Variants in PRDM16 observed in about 807,000 individuals in gnomAD.
The protein encoded by PRDM16 is histone-lysine N-methyltransferase PRDM16.
In PRDM16, 23 loss-of-function variants were observed where a neutral mutation model predicts 110.6. That is an observed-to-expected ratio of 0.21 (90% CI 0.15 to 0.29). The LOEUF is 0.29. Ranked by LOEUF, PRDM16 falls within the 10% of genes least tolerant of loss-of-function variation. PRDM16 has a pLI of 1.00. For missense variants in PRDM16, 1,615 were observed against 1,794.3 expected (o/e 0.90, Z 1.81); for synonymous variants, 799 against 781.8 (o/e 1.02, Z -0.37).
At chr1:3,287,543 G>A (rs1456813583) in intron 3 of PRDM16, among the ~76,000 whole-genome samples, 4 of 66,088 alleles carry the variant, frequency 6.1e-5, no homozygotes, top group African/African-American at 2.6e-4. Context: ...ATTTACCGGG[G>A]CTGGAGCCGC....
intron 15 of PRDM16, 65 bp downstream of exon 15, chr1:3,431,173 A>G (rs1638757168): frequency 2.6e-6 from 4 of 1,516,156 alleles, no homozygotes; most frequent in Admixed American, 2.0e-5. Flanking sequence ...CACGAGGGGG[A>G]CCTCCCTCTT....
At chr1:3,114,493 CACACACGCGCAT>C (rs1391566574) in intron 1 of PRDM16, among the ~76,000 whole-genome samples, 9 of 149,212 alleles carry the variant, frequency 6.0e-5, no homozygotes. Context: ...CGCACGCACG[CACACACGCGCAT>C]GCACACACAC....
chr1:3,194,390 C>T (rs1042216876), intron 2 of PRDM16, among the ~76,000 whole-genome samples: 6 of 152,118 alleles, frequency 3.9e-5, no homozygotes, highest in African/African-American at 7.2e-5. Flanking sequence ...TGGGGGCAGC[C>T]GGCGCTCATT....
At position 3,246,839 on chromosome 1, in the gene PRDM16, G is replaced by A. The variant is rs954294413; in HGVS notation, c.438+2702G>A. 2.6e-5 allele frequency among the ~76,000 whole-genome samples: 4 copies of A among 152,154 alleles called. No homozygotes were observed. The highest frequency in any genetic ancestry group is 9.7e-5 in the African/African-American group (4 of 41,422). ...GGGGGTTGGGGCTGAGAGACTGAGA[G>A]ACATGAGCTAAAATTCAAAGGCAAA... On this transcript the variant is annotated intron_variant, in intron 3 of 16. Transcript: ENST00000270722. This position sits in a 1 kb window ranked among gnomAD's most constrained non-coding sequence, Gnocchi z 5.2.
chr1:3,227,361 G>C (rs973270852), intron 2 of PRDM16, among the ~76,000 whole-genome samples: 1 of 152,382 alleles, frequency 6.6e-6, no homozygotes, highest in East Asian at 1.9e-4. Context: ...CTGCATCCTT[G>C]TCCCGAGGCC....
intron 3 of PRDM16, chr1:3,306,711 T>G (rs1448482133): frequency 6.6e-6 from 1 of 152,246 alleles, no homozygotes; most frequent in African/African-American, 2.4e-5. Context: ...TGCACCCCAT[T>G]AAAACGTACA....
At position 3,128,359 on chromosome 1, in the gene PRDM16, A is replaced by C. The variant is rs1324652534; in HGVS notation, c.38-57766A>C. On this transcript the variant is annotated intron_variant, in intron 1 of 16. Coordinates refer to ENST00000270722, the MANE Select transcript of PRDM16 (RefSeq NM_022114.4). Reference sequence around the variant, plus strand: ...TTTGATTTCCTATTTTATCCCAGTTAAAGTGGCATTTATAGTATTCGGGGG... The same window carrying C: ...TTTGATTTCCTATTTTATCCCAGTTCAAGTGGCATTTATAGTATTCGGGGG... 2.6e-5 allele frequency among the ~76,000 whole-genome samples: 4 copies of C among 152,214 alleles called. No individual in the cohort carries two copies. In the South Asian group the frequency reaches 8.3e-4, roughly 32 times the overall value.
rs543782040 is a variant in PRDM16, at chr1:3,272,827, G to A, written c.438+28690G>A. On this transcript the variant is annotated intron_variant, in intron 3 of 16. Transcript: ENST00000270722. ...AGCTGCCCTGTGCCCCCACAGGGAGGGCTGGCTCCCCTGCTGCCTGTGCCG... is the reference window on the plus strand; with the variant it reads ...AGCTGCCCTGTGCCCCCACAGGGAGAGCTGGCTCCCCTGCTGCCTGTGCCG... 9.8e-5 allele frequency among the ~76,000 whole-genome samples: 15 copies of A among 152,348 alleles called. No individual in the cohort carries two copies. In the South Asian group the frequency reaches 2.5e-3, roughly 25 times the overall value.
At chr1:3,369,995 C>T (rs769656608) in intron 3 of PRDM16, among the ~76,000 whole-genome samples, 1 of 152,146 alleles carries the variant, frequency 6.6e-6, no homozygotes, top group Non-Finnish European at 1.5e-5. Context: ...TCCTCCAGCC[C>T]GGCGTGTCAC....
At chr1:3,079,351 A>G (rs1344642847) in intron 1 of PRDM16, among the ~76,000 whole-genome samples, 2 of 152,000 alleles carry the variant, frequency 1.3e-5, no homozygotes, top group Non-Finnish European at 2.9e-5. Context: ...GTGTGTGCAC[A>G]GGGCTCCTTC....
At position 3,390,171 on chromosome 1, in the gene PRDM16, A is replaced by G. The variant is rs1643274519; in HGVS notation, c.573+4885A>G. On this transcript the variant is annotated intron_variant, in intron 4 of 16. Transcript: ENST00000270722. This position sits in a 1 kb window ranked among gnomAD's most constrained non-coding sequence, Gnocchi z 5.0. The stretch of plus-strand genomic sequence containing the variant: ...GCGCCTGCGGGGGGATGCGGGAGGC[A>G]GGGAGGAGCTGTCACAGCCGGCGCT... Among the ~76,000 whole-genome samples the G allele has an allele frequency of 6.6e-6, 1 of 152,200 alleles. No individual in the cohort carries two copies. Among genetic ancestry groups the G allele is most frequent in the Non-Finnish European group, 1.5e-5 (1 of 68,030 alleles).
intron 14 of PRDM16, 21 bp downstream of exon 14, chr1:3,426,246 T>A: frequency 6.2e-7 from 1 of 1,607,148 alleles, no homozygotes; most frequent in South Asian, 1.1e-5. Context: ...TATCGCGGGC[T>A]GGGGAAAGTC....
intron 3 of PRDM16, among the ~76,000 whole-genome samples, chr1:3,311,866 C>T (rs536956463): frequency 5.3e-5 from 8 of 152,324 alleles, no homozygotes; most frequent in African/African-American, 1.9e-4. Context: ...CCCACCCCAC[C>T]CTGGGTCCAG....
At chr1:3,217,816 T>TC (rs2100859753) in intron 2 of PRDM16, among the ~76,000 whole-genome samples, 1 of 152,276 alleles carries the variant, frequency 6.6e-6, no homozygotes, top group Admixed American at 6.5e-5. Flanking sequence ...CGCGCGCTCT[T>TC]CCCCCTAGAA....
rs1362037704 is a variant in PRDM16, at chr1:3,349,257, G to A, written c.439-35895G>A. Among the ~76,000 whole-genome samples the A allele has an allele frequency of 4.6e-5, 7 of 152,256 alleles. No individual in the cohort carries two copies. In the East Asian group the frequency reaches 7.8e-4, roughly 17 times the overall value. On this transcript the variant is annotated intron_variant, in intron 3 of 16. Transcript: ENST00000270722. ...CTCCCAGTGAGGGTCCCCGCCCCACGGGAGATAAGATAGAGCTGGTGTCAG... is the reference window on the plus strand; with the variant it reads ...CTCCCAGTGAGGGTCCCCGCCCCACAGGAGATAAGATAGAGCTGGTGTCAG...
chr1:3,345,734 C>G (rs958120053), intron 3 of PRDM16, among the ~76,000 whole-genome samples: 1 of 151,434 alleles, frequency 6.6e-6, no homozygotes, highest in African/African-American at 2.4e-5. Flanking sequence ...TCCCGTGCTG[C>G]CCCCTCTGTG....
intron 3 of PRDM16, among the ~76,000 whole-genome samples, chr1:3,253,683 C>G (rs1161394363): frequency 3.9e-5 from 6 of 152,148 alleles, no homozygotes; most frequent in African/African-American, 1.4e-4. Flanking sequence ...GTGCATGTGT[C>G]TTTATGGTAG....
intron 2 of PRDM16, among the ~76,000 whole-genome samples, chr1:3,227,483 G>A (rs1030235202): frequency 6.6e-6 from 1 of 152,250 alleles, no homozygotes; most frequent in African/African-American, 2.4e-5. Flanking sequence ...TCTCAGGCAT[G>A]GAGCTGCAGA....
intron 3 of PRDM16, among the ~76,000 whole-genome samples, chr1:3,275,980 C>T (rs751058042): frequency 2.0e-5 from 3 of 152,222 alleles, no homozygotes; most frequent in South Asian, 2.1e-4. Context: ...CCAGCACACG[C>T]GTGCCTGCTG....
Sources: allele counts gnomAD v4.1 joint callset (sites outside exome capture counted in the v4.1 genomes callset), GRCh38; gene constraint gnomAD v4.1.1; non-coding constraint Gnocchi (gnomAD v3.1); transcripts MANE v1.5; gene names NCBI Gene and HGNC (gene_info 2026-07-23, HGNC 2026-07-21).